The following UTRN variants were observed in gnomAD, a reference collection of about 807,000 sequenced individuals.
UTRN encodes the protein dystrophin-related protein 1.
In UTRN, 283 loss-of-function variants were observed where a neutral mutation model predicts 463.9. The observed-to-expected ratio is 0.61, with a 90% CI of 0.55 to 0.67. The LOEUF is 0.67. Ranked by LOEUF, UTRN falls within the 30% of genes least tolerant of loss-of-function variation. The probability of loss-of-function intolerance (pLI) is 0.00; values close to 1 mark genes in which losing one functional copy is unlikely to be tolerated. For synonymous variants in UTRN, 1,442 were observed against 1,431.5 expected, an observed-to-expected ratio of 1.01 and a Z score of -0.17; for missense variants, 3,922 against 4,084.3, an observed-to-expected ratio of 0.96 and a Z score of 1.08.
intron 3 of UTRN, among the ~76,000 whole-genome samples, chr6:144,414,141 A>C (rs957117189): frequency 6.6e-6 from 1 of 151,848 alleles, no homozygotes; most frequent in Admixed American, 6.6e-5. Flanking sequence ...AAAAAAAAAA[A>C]AGTTAACTAC....
intron 50 of UTRN, among the ~76,000 whole-genome samples, chr6:144,570,237 G>A (rs573037128): frequency 2.0e-5 from 3 of 152,204 alleles, no homozygotes; most frequent in Admixed American, 2.0e-4. Flanking sequence ...GTGGAGGCTG[G>A]AGGAAAGGAG....
intron 54 of UTRN, among the ~76,000 whole-genome samples, chr6:144,744,604 TACACACACAC>T (rs554895139): frequency 2.9e-5 from 3 of 103,208 alleles, no homozygotes; most frequent in Non-Finnish European, 5.1e-5. Context: ...TGACAGGGCA[TACACACACAC>T]ACACACACAC....
At chr6:144,810,288 T>G (rs1778496605) in intron 65 of UTRN, among the ~76,000 whole-genome samples, 1 of 152,202 alleles carries the variant, frequency 6.6e-6, no homozygotes, top group Non-Finnish European at 1.5e-5. Flanking sequence ...TTGGAGGTAG[T>G]GTGTCCTGAA....
At chr6:144,823,538 A>G (rs1779774702) in intron 66 of UTRN, among the ~76,000 whole-genome samples, 1 of 152,202 alleles carries the variant, frequency 6.6e-6, no homozygotes, top group Non-Finnish European at 1.5e-5. Context: ...ATCCTTGCAA[A>G]ATGTAGCATT....
At chr6:144,449,226 G>A (rs946600927) in intron 17 of UTRN, among the ~76,000 whole-genome samples, 6 of 152,112 alleles carry the variant, frequency 3.9e-5, no homozygotes, top group African/African-American at 9.7e-5. Flanking sequence ...TATATCTTCT[G>A]TCTGCTCTAG....
At chr6:144,427,250 T>C (rs1053190205) in intron 7 of UTRN, among the ~76,000 whole-genome samples, 1 of 152,088 alleles carries the variant, frequency 6.6e-6, no homozygotes, top group South Asian at 2.1e-4. Flanking sequence ...AAAAAAAAAA[T>C]AATAATTTCT....
intron 2 of UTRN, among the ~76,000 whole-genome samples, chr6:144,308,057 C>T (rs921064204): frequency 6.6e-6 from 1 of 152,142 alleles, no homozygotes; most frequent in Non-Finnish European, 1.5e-5. Flanking sequence ...CTGCAATCTC[C>T]TGCCATCGGA....
chr6:144,740,742 T>C (rs1282771036), intron 54 of UTRN, among the ~76,000 whole-genome samples: 2 of 152,216 alleles, frequency 1.3e-5, no homozygotes, highest in South Asian at 2.1e-4. Context: ...GGGTAAAAAT[T>C]TGGAAAATGT....
In UTRN at chr6:144,533,202, G is replaced by A. The variant is rs1230047088; in HGVS notation, c.6175G>A (p.Ala2059Thr). The A allele has an allele frequency of 4.3e-6, 7 of 1,614,148 alleles. No individual in the cohort carries two copies. Among genetic ancestry groups the A allele is most frequent in the Admixed American group, 1.7e-5 (1 of 60,020 alleles). ...TGGAAGCTTCTTGAAAGAAAAACTG[G>A]CAGGTTTAAACCAACGCTGGGATGC... ...ADGSFLKEKL[A>T]GLNQRWDAIV... The change falls in exon 43 of 75, where the codon GCA becomes ACA. Residue 2059 changes from alanine to threonine, a missense_variant. Physicochemically the swap from Ala to Thr is moderately conservative, Grantham distance 58. This residue lies in a region of UTRN where 2,349 missense variants were observed against 2,303.8 expected (regional missense o/e 1.02). Coordinates refer to ENST00000367545, the MANE Select transcript of UTRN (RefSeq NM_007124.3).
intron 71 of UTRN, among the ~76,000 whole-genome samples, chr6:144,837,694 T>G (rs144597555): frequency 6.6e-6 from 1 of 152,356 alleles, no homozygotes; most frequent in African/African-American, 2.4e-5. Flanking sequence ...TTTTCACAGT[T>G]GCTCTCAGTC....
At chr6:144,582,689 T>C (rs2128627373) in intron 51 of UTRN, among the ~76,000 whole-genome samples, 1 of 152,366 alleles carries the variant, frequency 6.6e-6, no homozygotes, top group Admixed American at 6.5e-5. Flanking sequence ...AGACAAATCC[T>C]AACCTATTCC....
intron 50 of UTRN, among the ~76,000 whole-genome samples, chr6:144,572,701 T>C (rs1003451035): frequency 2.0e-5 from 3 of 152,328 alleles, no homozygotes; most frequent in South Asian, 2.1e-4. Flanking sequence ...TCCAGCTTCA[T>C]CCATGTCCCT....
At chr6:144,565,605 G>A (rs1800333487) in intron 50 of UTRN, among the ~76,000 whole-genome samples, 2 of 152,192 alleles carry the variant, frequency 1.3e-5, no homozygotes, top group African/African-American at 4.8e-5. Context: ...GAAATAGAGG[G>A]AGGAGAATAT....
Position 144,482,331 on chromosome 6 carries a change from G to T in UTRN, c.3630G>T (p.Val1210=). The change falls in exon 27 of 75, where the codon GTG becomes GTT. Residue 1210 remains valine, a synonymous_variant. Coordinates refer to ENST00000367545, the MANE Select transcript of UTRN (RefSeq NM_007124.3). ...AGTTGACGTCTGAGCTGAATGTTGT[G>T]CTGGAGAATTACCAACTTCTTTGTA... ...GQELTSELNV[V]LENYQLLCNR... is the part of the protein sequence containing the mutation. 6.2e-7 allele frequency: 1 copy of T among 1,605,664 alleles called. No individual in the cohort carries two copies. Among genetic ancestry groups the T allele is most frequent in the South Asian group, 1.1e-5 (1 of 88,752 alleles).
At chr6:144,673,409 T>A (rs1781254544) in intron 51 of UTRN, among the ~76,000 whole-genome samples, 1 of 152,146 alleles carries the variant, frequency 6.6e-6, no homozygotes, top group South Asian at 2.1e-4. Flanking sequence ...TCCTTTCTTG[T>A]CTCTTTAGTT....
At chr6:144,802,724 G>A (rs971415213) in intron 64 of UTRN, among the ~76,000 whole-genome samples, 4 of 152,070 alleles carry the variant, frequency 2.6e-5, no homozygotes, top group Admixed American at 6.6e-5. Flanking sequence ...CTGTATCTTT[G>A]TGAGGGAATT....
chr6:144,703,928 T>C (rs758009297), intron 53 of UTRN, among the ~76,000 whole-genome samples: 2 of 152,164 alleles, frequency 1.3e-5, no homozygotes, highest in Non-Finnish European at 2.9e-5. Context: ...TATGAAATAA[T>C]ATATTAATAT....
chr6:144,549,768 A>G (rs1336405227), intron 47 of UTRN, among the ~76,000 whole-genome samples: 4 of 152,226 alleles, frequency 2.6e-5, no homozygotes, highest in African/African-American at 9.6e-5. Flanking sequence ...GTCATGTGGT[A>G]CAGGAGGCAC....
rs999910241 is a variant in UTRN, at chr6:144,548,679, C to T, written c.6635C>T (p.Ala2212Val). Residue 2212 changes from alanine to valine, a missense_variant, in exon 47 of 75, where the codon GCG becomes GTG. By Grantham distance (64) the Ala-to-Val change is moderately conservative. Around this residue, in one of 3 missense-constraint regions of UTRN, gnomAD observed 2,349 missense variants for 2,303.8 expected, o/e 1.02. Coordinates refer to ENST00000367545, the MANE Select transcript of UTRN (RefSeq NM_007124.3). The part of the protein sequence containing the change: ...NVQKVVLVSS[A>V]SDIPVQSHRT... Reference sequence around the variant, plus strand: ...CAAAAGGTGGTGCTAGTATCATCTGCGTCAGATATTCCTGTTCAGTCTCAT... The same window carrying T: ...CAAAAGGTGGTGCTAGTATCATCTGTGTCAGATATTCCTGTTCAGTCTCAT... 25 of 1,613,918 alleles carry T rather than the reference C, an allele frequency of 1.5e-5. No homozygotes were observed. The highest frequency in any genetic ancestry group is 1.5e-4 in the Admixed American group (9 of 59,998).
Sources: gnomAD v4.1 joint callset for allele counts (sites outside exome capture counted in the v4.1 genomes callset) on GRCh38, gnomAD v4.1.1 for gene constraint, gnomAD v4.1.1 regional missense constraint, MANE v1.5 for transcripts, NCBI Gene and HGNC (gene_info 2026-07-23, HGNC 2026-07-21) for gene names.